The following LYPD6 variants were observed in gnomAD, a reference collection of about 807,000 sequenced individuals.
LYPD6 encodes LY6/PLAUR domain containing 6.
Under a neutral mutation model 22.7 loss-of-function variants are expected in LYPD6, and 15 were observed. The ratio of observed to expected loss-of-function variants is 0.66; its 90% confidence interval spans 0.44 to 1.02. The LOEUF is 1.02. Among genes scored for constraint, LYPD6 ranks in the 50% least tolerant of loss-of-function variants. The pLI is 0.00. For missense variants in LYPD6, 189 were observed against 208.4 expected (o/e 0.91, Z 0.57); for synonymous variants, 72 against 77.5 (o/e 0.93, Z 0.37).
intron 1 of LYPD6, among the ~76,000 whole-genome samples, chr2:149,357,041 T>A (rs1194684266): frequency 6.6e-6 from 1 of 152,192 alleles, no homozygotes; most frequent in Non-Finnish European, 1.5e-5. Flanking sequence ...CATTCTGTGT[T>A]TTTTCCCCAA....
intron 1 of LYPD6, among the ~76,000 whole-genome samples, chr2:149,384,254 G>A (rs979136100): frequency 6.6e-5 from 10 of 152,116 alleles, no homozygotes; most frequent in African/African-American, 1.4e-4. Context: ...GGGTTCAGTC[G>A]TATGCATTGA....
intron 1 of LYPD6, among the ~76,000 whole-genome samples, chr2:149,355,165 G>A (rs1397724117): frequency 6.6e-6 from 1 of 152,122 alleles, no homozygotes; most frequent in Non-Finnish European, 1.5e-5. Flanking sequence ...CAGGCTCATA[G>A]AGTTGTGTAT....
chr2:149,431,554 A>G (rs1349001491), intron 1 of LYPD6, among the ~76,000 whole-genome samples: 3 of 152,220 alleles, frequency 2.0e-5, no homozygotes, highest in Non-Finnish European at 2.9e-5. Flanking sequence ...GTGGTGCTTC[A>G]TGATTTACTG....
intron 1 of LYPD6, among the ~76,000 whole-genome samples, chr2:149,427,937 G>T (rs1034937221): frequency 6.6e-6 from 1 of 152,232 alleles, no homozygotes; most frequent in Admixed American, 6.5e-5. Context: ...ATTGGGGCAA[G>T]ACAGCTTTTC....
chr2:149,432,078 A>T (rs1683326112), intron 1 of LYPD6, among the ~76,000 whole-genome samples: 2 of 152,210 alleles, frequency 1.3e-5, no homozygotes, highest in Admixed American at 6.5e-5. Context: ...AGCCACTAGG[A>T]TGGCTATAAT....
At position 149,452,553 on chromosome 2, in the gene LYPD6, G is replaced by T. The variant is rs528168968; in HGVS notation, c.217+3406G>T. 2.6e-5 allele frequency among the ~76,000 whole-genome samples: 4 copies of T among 152,132 alleles called. No homozygotes were observed. The East Asian group carries it at 7.7e-4, about 29-fold the overall frequency. ...TTCTAAGACATTCCTGGGTTTTTTTGGTTTGCTTTGTGACATAGTTAACTG... is the reference window on the plus strand; with the variant it reads ...TTCTAAGACATTCCTGGGTTTTTTTTGTTTGCTTTGTGACATAGTTAACTG... On this transcript the variant is annotated intron_variant, in intron 3 of 4. Transcript: ENST00000334166.
intron 1 of LYPD6, among the ~76,000 whole-genome samples, chr2:149,437,139 G>A (rs966147708): frequency 6.6e-5 from 10 of 152,132 alleles, no homozygotes; most frequent in Admixed American, 5.9e-4. Context: ...TTTGTGTTAC[G>A]GAGGCACTTT....
chr2:149,378,843 GC>G (rs1681995302), intron 1 of LYPD6, among the ~76,000 whole-genome samples: 1 of 152,040 alleles, frequency 6.6e-6, no homozygotes, highest in African/African-American at 2.4e-5. Context: ...ACTCCTTACT[GC>G]CCCATCCTGG....
At chr2:149,369,898 A>T (rs1681767545) in intron 1 of LYPD6, among the ~76,000 whole-genome samples, 1 of 151,324 alleles carries the variant, frequency 6.6e-6, no homozygotes, top group Admixed American at 6.6e-5. Context: ...AACAGGCATT[A>T]AAGTGGGAGG....
downstream of LYPD6, among the ~76,000 whole-genome samples, chr2:149,474,638 A>C (rs1681421164): frequency 6.6e-6 from 1 of 152,188 alleles, no homozygotes; most frequent in African/African-American, 2.4e-5. Context: ...TACTTACATG[A>C]AGATAGCTCT....
At chr2:149,385,104 C>G (rs752929343) in intron 1 of LYPD6, among the ~76,000 whole-genome samples, 7 of 152,090 alleles carry the variant, frequency 4.6e-5, no homozygotes, top group Non-Finnish European at 8.8e-5. Flanking sequence ...ATTTCCTCTC[C>G]TTTCATTTTA....
chr2:149,449,798 A>G lies in LYPD6; in HGVS notation c.217+651A>G, dbSNP rs183137091. ...TAACTGGCTATTTTACTTTGGAGGAAAGTCTATTTATTTGGTGGGGGTAGA... is the reference window on the plus strand; with the variant it reads ...TAACTGGCTATTTTACTTTGGAGGAGAGTCTATTTATTTGGTGGGGGTAGA... On this transcript the variant is annotated intron_variant, in intron 3 of 4. Transcript: ENST00000334166. Among the ~76,000 whole-genome samples the G allele has an allele frequency of 1.3e-3, 194 of 152,244 alleles. 1 individual carries two copies. Among genetic ancestry groups the G allele is most frequent in the African/African-American group, 4.4e-3 (183 of 41,546 alleles).
intron 1 of LYPD6, among the ~76,000 whole-genome samples, chr2:149,414,283 T>C (rs1011008297): frequency 6.6e-6 from 1 of 152,228 alleles, no homozygotes; most frequent in Admixed American, 6.5e-5. Flanking sequence ...TACTAAATGG[T>C]CCCTAATGTA....
intron 1 of LYPD6, among the ~76,000 whole-genome samples, chr2:149,412,072 T>A (rs1486950383): frequency 6.6e-6 from 1 of 152,232 alleles, no homozygotes; most frequent in African/African-American, 2.4e-5. Context: ...CTATATTATC[T>A]TGACACACTT....
chr2:149,460,206 G>A (rs1262635776), intron 3 of LYPD6, among the ~76,000 whole-genome samples: 1 of 152,034 alleles, frequency 6.6e-6, no homozygotes, highest in Non-Finnish European at 1.5e-5. Context: ...AATGTAAATG[G>A]CATAAATATA....
chr2:149,358,562 T>C (rs1681512670), intron 1 of LYPD6, among the ~76,000 whole-genome samples: 2 of 152,190 alleles, frequency 1.3e-5, no homozygotes. Context: ...GGAAGTTGTT[T>C]GTTTAAATTT....
chr2:149,468,951 A>G (rs1334411376), intron 4 of LYPD6, among the ~76,000 whole-genome samples, 176 bp downstream of exon 4: 1 of 152,212 alleles, frequency 6.6e-6, no homozygotes, highest in African/African-American at 2.4e-5. Flanking sequence ...ACACATTTAT[A>G]CCAGAGCATA....
intron 1 of LYPD6, among the ~76,000 whole-genome samples, chr2:149,398,108 A>G (rs1008590809): frequency 5.9e-5 from 9 of 152,190 alleles, no homozygotes; most frequent in East Asian, 3.8e-4. Flanking sequence ...AGCAAGTACC[A>G]TAGTTTGGAT....
intron 1 of LYPD6, among the ~76,000 whole-genome samples, chr2:149,405,304 C>T (rs368092844): frequency 6.6e-6 from 1 of 151,648 alleles, no homozygotes; most frequent in African/African-American, 2.4e-5. Flanking sequence ...GTTTCAGAAG[C>T]AATGGTACCA....
Sources: gnomAD v4.1 joint callset for allele counts (sites outside exome capture counted in the v4.1 genomes callset) on GRCh38, gnomAD v4.1.1 for gene constraint, MANE v1.5 for transcripts, NCBI Gene and HGNC (gene_info 2026-07-23, HGNC 2026-07-21) for gene names.